Variants in CELF4 observed in about 807,000 individuals in gnomAD.
CELF4 encodes the protein CUGBP Elav-like family member 4, also known as CUG-BP- and ETR-3-like factor 4.
Under a neutral mutation model 59.9 loss-of-function variants are expected in CELF4, and 18 were observed. That is an observed-to-expected ratio of 0.30 (90% confidence interval 0.21 to 0.45). The LOEUF (loss-of-function observed/expected upper bound fraction) is 0.45. CELF4 is among the 20% of genes least tolerant of loss of function. The pLI is 1.00. For synonymous variants in CELF4, 261 were observed against 267.1 expected (o/e 0.98, Z 0.22); for missense variants, 456 against 689.0 (o/e 0.66, Z 3.79).
intron 11 of CELF4, among the ~76,000 whole-genome samples, chr18:37,257,202 T>C (rs1051313986): frequency 6.6e-6 from 1 of 152,150 alleles, no homozygotes; most frequent in African/African-American, 2.4e-5. Flanking sequence ...ACACCCGGGA[T>C]GGTGCAAATA....
chr18:37,520,066 C>T lies in CELF4; in HGVS notation c.287-34459G>A, dbSNP rs115895003. ...GGGGCTTCCTGAGAGCTTGCATTAC[C>T]CAAGCAAGGCGGGGAGGCCTAGAGA... On this transcript the variant is annotated intron_variant, in intron 1 of 12. Transcript: ENST00000420428. Among the ~76,000 whole-genome samples, 1,045 of 152,268 alleles carry T rather than the reference C, an allele frequency of 6.9e-3. 10 individuals carry two copies. The highest frequency in any genetic ancestry group is 0.023 in the African/African-American group (971 of 41,560).
chr18:37,478,443 C>T (rs2099856706), intron 2 of CELF4, among the ~76,000 whole-genome samples: 1 of 152,242 alleles, frequency 6.6e-6, no homozygotes, highest in Non-Finnish European at 1.5e-5. Flanking sequence ...CCTTTCTGGG[C>T]ACAGCCCATG....
chr18:37,526,297 G>A (rs1307342102), intron 1 of CELF4, among the ~76,000 whole-genome samples: 2 of 152,236 alleles, frequency 1.3e-5, no homozygotes, highest in Non-Finnish European at 2.9e-5. Flanking sequence ...CTGCATTTGC[G>A]TGGCTGTGAG....
At chr18:37,357,175 G>T (rs2098604177) in intron 2 of CELF4, among the ~76,000 whole-genome samples, 1 of 152,228 alleles carries the variant, frequency 6.6e-6, no homozygotes, top group Non-Finnish European at 1.5e-5. Flanking sequence ...TGAGGTTTGA[G>T]CTTGGAGCCC....
At chr18:37,468,447 C>T (rs1476291231) in intron 2 of CELF4, among the ~76,000 whole-genome samples, 2 of 152,092 alleles carry the variant, frequency 1.3e-5, no homozygotes, top group African/African-American at 4.8e-5. Flanking sequence ...CTCAGGACAT[C>T]TGTGTGGGGT....
chr18:37,486,446 G>A (rs920689771), intron 1 of CELF4, among the ~76,000 whole-genome samples: 1 of 152,184 alleles, frequency 6.6e-6, no homozygotes, highest in African/African-American at 2.4e-5. Flanking sequence ...TATACTCAAG[G>A]GGTGACTTTT....
At chr18:37,537,613 G>A (rs1194999772) in intron 1 of CELF4, among the ~76,000 whole-genome samples, 2 of 152,198 alleles carry the variant, frequency 1.3e-5, no homozygotes, top group African/African-American at 4.8e-5. Context: ...CTCCACATGT[G>A]AGCCTGACAG....
At chr18:37,266,809 G>A (rs1202246202) in intron 8 of CELF4, among the ~76,000 whole-genome samples, 2 of 152,200 alleles carry the variant, frequency 1.3e-5, no homozygotes, top group Non-Finnish European at 2.9e-5. Flanking sequence ...GTAGACAGTT[G>A]CCCACCCTGG....
At chr18:37,255,536 T>C (rs1198014451) in intron 11 of CELF4, among the ~76,000 whole-genome samples, 1 of 150,974 alleles carries the variant, frequency 6.6e-6, no homozygotes, top group African/African-American at 2.4e-5. Context: ...CCATACGAGA[T>C]TCGCCTCCAG....
At chr18:37,314,023 G>C (rs142340227) in intron 3 of CELF4, among the ~76,000 whole-genome samples, 1 of 152,210 alleles carries the variant, frequency 6.6e-6, no homozygotes, top group African/African-American at 2.4e-5. Flanking sequence ...GCTGTCTCAG[G>C]GATGCCTCCC....
At chr18:37,295,655 G>GTCTTT (rs1173408212) in intron 3 of CELF4, among the ~76,000 whole-genome samples, 5 of 152,346 alleles carry the variant, frequency 3.3e-5, no homozygotes, top group Non-Finnish European at 5.9e-5. Context: ...GGCACATAAA[G>GTCTTT]AGGTTAAGAA....
chr18:37,438,846 T>C (rs2099702143), intron 2 of CELF4, among the ~76,000 whole-genome samples: 2 of 152,252 alleles, frequency 1.3e-5, no homozygotes, highest in Non-Finnish European at 2.9e-5. Flanking sequence ...GGCTTCAGGC[T>C]GCTTGCATTT....
intron 3 of CELF4, among the ~76,000 whole-genome samples, chr18:37,312,511 A>G (rs2096713337): frequency 6.6e-6 from 1 of 152,154 alleles, no homozygotes; most frequent in Non-Finnish European, 1.5e-5. Flanking sequence ...TATACAAAAG[A>G]TCTGTCAGGA....
intron 2 of CELF4, among the ~76,000 whole-genome samples, chr18:37,465,185 T>A (rs72889390): frequency 0.18 from 27,446 of 152,148 alleles, 2,982 homozygotes; most frequent in South Asian, 0.33. Flanking sequence ...TATTATATAT[T>A]ATTTATTTAG....
At chr18:37,273,857 A>T (rs1557059264) in intron 6 of CELF4, 1 of 997,838 alleles carries the variant, frequency 1.0e-6, no homozygotes, top group Non-Finnish European at 1.2e-6. Context: ...AGGGGATATC[A>T]GAAGTGTGGG....
At chr18:37,283,592 G>A (rs894728841) in intron 3 of CELF4, among the ~76,000 whole-genome samples, 15 of 152,142 alleles carry the variant, frequency 9.9e-5, no homozygotes, top group Admixed American at 6.5e-4. Context: ...ATGAGCATTG[G>A]GGGTGGGGCT....
intron 2 of CELF4, among the ~76,000 whole-genome samples, chr18:37,369,526 G>T (rs2098832756): frequency 6.6e-6 from 1 of 152,126 alleles, no homozygotes; most frequent in Admixed American, 6.5e-5. Context: ...ATACTTAAGG[G>T]CCAGGCACAT....
At chr18:37,449,551 T>A (rs1021511619) in intron 2 of CELF4, among the ~76,000 whole-genome samples, 1 of 152,064 alleles carries the variant, frequency 6.6e-6, no homozygotes, top group Non-Finnish European at 1.5e-5. Flanking sequence ...GTAAACAAAT[T>A]CCCTGCTCCT....
chr18:37,406,246 A>G (rs2099388433), intron 2 of CELF4, among the ~76,000 whole-genome samples: 2 of 151,960 alleles, frequency 1.3e-5, no homozygotes, highest in Non-Finnish European at 2.9e-5. Flanking sequence ...GTCAGTAGAG[A>G]TGGGATGACA....
Sources: gnomAD v4.1 joint callset for allele counts (sites outside exome capture counted in the v4.1 genomes callset) on GRCh38, gnomAD v4.1.1 for gene constraint, MANE v1.5 for transcripts, NCBI Gene and HGNC (gene_info 2026-07-23, HGNC 2026-07-21) for gene names.